The following RPTOR variants were observed in gnomAD, a reference collection of about 807,000 sequenced individuals.
RPTOR encodes the protein regulatory associated protein of MTOR complex 1.
A neutral mutation model predicts 169.9 loss-of-function variants in RPTOR; 21 were observed. The ratio of observed to expected loss-of-function variants is 0.12; its 90% CI spans 0.09 to 0.18. RPTOR has a LOEUF of 0.18. Ranked by LOEUF, RPTOR falls within the 10% of genes least tolerant of loss-of-function variation. The probability of loss-of-function intolerance (pLI) is 1.00; values close to 1 mark genes in which losing one functional copy is unlikely to be tolerated. For missense variants in RPTOR, 1,133 were observed against 1,855.9 expected (o/e 0.61, Z 7.16); for synonymous variants, 732 against 753.2 (o/e 0.97, Z 0.46).
chr17:80,902,780 G>A (rs967663657), intron 20 of RPTOR, among the ~76,000 whole-genome samples: 3 of 152,214 alleles, frequency 2.0e-5, no homozygotes, highest in South Asian at 2.1e-4. Context: ...ACGCTCATCC[G>A]TCCAGCCCCA....
chr17:80,551,458 A>G (rs1303826318), intron 1 of RPTOR, among the ~76,000 whole-genome samples: 1 of 152,082 alleles, frequency 6.6e-6, no homozygotes, highest in Non-Finnish European at 1.5e-5. Flanking sequence ...GGGTCAGCAG[A>G]CAAACACGTG....
chr17:80,853,810 C>G (rs2067822227), intron 11 of RPTOR, among the ~76,000 whole-genome samples: 1 of 152,148 alleles, frequency 6.6e-6, no homozygotes, highest in African/African-American at 2.4e-5. Context: ...AACCCCGTCT[C>G]TACTAAAAAT....
chr17:80,883,600 G>A (rs1305448180), intron 15 of RPTOR, 116 bp downstream of exon 15: 2 of 1,233,202 alleles, frequency 1.6e-6, no homozygotes, highest in Non-Finnish European at 2.4e-6. Flanking sequence ...CAGAGGCTCT[G>A]ACCCTTCATC....
chr17:80,554,514 C>A (rs185736630), intron 1 of RPTOR, among the ~76,000 whole-genome samples: 3 of 151,808 alleles, frequency 2.0e-5, no homozygotes, highest in African/African-American at 2.4e-5. Flanking sequence ...GAGACTGAGG[C>A]GGGCAGATCA....
intron 3 of RPTOR, among the ~76,000 whole-genome samples, chr17:80,703,843 G>A (rs74002835): frequency 0.018 from 2,793 of 152,298 alleles, 91 homozygotes; most frequent in African/African-American, 0.063. Context: ...AAAATGCATA[G>A]GTATTTGTTT....
chr17:80,961,638 C>A, intron 31 of RPTOR, 158 bp downstream of exon 31: 1 of 832,328 alleles, frequency 1.2e-6, no homozygotes, highest in East Asian at 2.8e-5. Context: ...TCAGGCGCAG[C>A]CCGTAGGGGC....
chr17:80,955,846 CT>C (rs778376917), intron 28 of RPTOR, among the ~76,000 whole-genome samples: 4 of 152,170 alleles, frequency 2.6e-5, no homozygotes, highest in Non-Finnish European at 5.9e-5. Context: ...TAGGCGCTTC[CT>C]TCTCCACCCG....
chr17:80,955,527 G>A (rs181129008), intron 28 of RPTOR, among the ~76,000 whole-genome samples: 18 of 152,208 alleles, frequency 1.2e-4, no homozygotes, highest in Admixed American at 1.2e-3. Context: ...AGAGATTGAG[G>A]GTAAAGACAT....
chr17:80,839,156 C>T (rs77591050), intron 10 of RPTOR, among the ~76,000 whole-genome samples: 14,126 of 152,186 alleles, frequency 0.093, 717 homozygotes, highest in East Asian at 0.18. Context: ...TGCGTGTGTA[C>T]GCGTGAGTGG....
chr17:80,922,928 C>A, intron 22 of RPTOR, 101 bp downstream of exon 22: 1 of 1,002,178 alleles, frequency 1.0e-6, no homozygotes, highest in South Asian at 1.5e-5. Context: ...CCTTCCCCGC[C>A]CTGTCTTGGC....
chr17:80,890,132 G>C (rs4969285), intron 17 of RPTOR, among the ~76,000 whole-genome samples: 85,703 of 150,784 alleles, frequency 0.57, 26,091 homozygotes, highest in Non-Finnish European at 0.68. Flanking sequence ...GTGTGTTCGG[G>C]AGTGAGTGCT....
In RPTOR at chr17:80,949,473, T is replaced by C; in HGVS notation, c.3296T>C (p.Phe1099Ser). The change falls in exon 28 of 34, where the codon TTT becomes TCT. Residue 1099 changes from phenylalanine to serine, a missense_variant. Phe to Ser is a radical substitution (Grantham distance 155, BLOSUM62 -2). Transcript: ENST00000306801. ...DDGAIRVWKN[F>S]ADLEKNPEMV... ...GGTGCCATCAGGGTCTGGAAGAATT[T>C]TGCTGATTTGGAAAAGAACCCAGAG... 1 of 1,614,112 alleles carries C rather than the reference T, an allele frequency of 6.2e-7. No individual in the cohort carries two copies. Among genetic ancestry groups the C allele is most frequent in the Non-Finnish European group, 8.5e-7 (1 of 1,180,000 alleles).
intron 3 of RPTOR, among the ~76,000 whole-genome samples, chr17:80,674,197 A>G (rs1352977750): frequency 1.3e-5 from 2 of 152,166 alleles, no homozygotes; most frequent in Non-Finnish European, 2.9e-5. Context: ...TATCCTTCTT[A>G]CTGTCTCAAA....
intron 6 of RPTOR, among the ~76,000 whole-genome samples, chr17:80,760,463 G>A (rs1422599345): frequency 6.6e-6 from 1 of 151,874 alleles, no homozygotes; most frequent in Non-Finnish European, 1.5e-5. Context: ...CACCACGCCT[G>A]GCTAATTTTT....
At chr17:80,944,303 T>C (rs1269309998) in intron 25 of RPTOR, among the ~76,000 whole-genome samples, 6 of 152,236 alleles carry the variant, frequency 3.9e-5, no homozygotes, top group Non-Finnish European at 7.3e-5. Context: ...ACCACACCCA[T>C]GTCTCCTCCT....
intron 9 of RPTOR, among the ~76,000 whole-genome samples, chr17:80,830,978 C>G (rs916910539): frequency 3.9e-5 from 6 of 152,118 alleles, no homozygotes; most frequent in African/African-American, 1.4e-4. Context: ...CTCCTGAGCT[C>G]AGACAATCCT....
intron 13 of RPTOR, among the ~76,000 whole-genome samples, chr17:80,866,063 A>G (rs1279789548): frequency 6.6e-6 from 1 of 151,824 alleles, no homozygotes; most frequent in Non-Finnish European, 1.5e-5. Flanking sequence ...GTAAATTAAT[A>G]TATATGTGCT....
chr17:80,910,429 G>T (rs1453067243), intron 21 of RPTOR, among the ~76,000 whole-genome samples: 2 of 152,104 alleles, frequency 1.3e-5, no homozygotes, highest in Non-Finnish European at 2.9e-5. Context: ...AAATTTTTTG[G>T]TAACTTTTTG....
chr17:80,701,669 G>A (rs909452154), intron 3 of RPTOR, among the ~76,000 whole-genome samples: 7 of 152,156 alleles, frequency 4.6e-5, no homozygotes, highest in East Asian at 1.9e-4. Context: ...CAGGCATTTC[G>A]GTTTGTTGGA....
Sources: gnomAD v4.1 joint callset for allele counts (sites outside exome capture counted in the v4.1 genomes callset) on GRCh38, gnomAD v4.1.1 for gene constraint, MANE v1.5 for transcripts, NCBI Gene and HGNC (gene_info 2026-07-23, HGNC 2026-07-21) for gene names.